Variants in PRKCE observed in about 807,000 individuals in gnomAD.
PRKCE encodes the protein protein kinase C epsilon type.
In PRKCE, 16 loss-of-function variants were observed where a neutral mutation model predicts 85.4. That is an observed-to-expected ratio of 0.19 (90% CI 0.13 to 0.28). PRKCE has a LOEUF of 0.28. PRKCE is among the 10% of genes least tolerant of loss of function. PRKCE has a pLI of 1.00. For synonymous variants in PRKCE, 388 were observed against 371.5 expected (o/e 1.04, Z -0.51); for missense variants, 573 against 975.2 (o/e 0.59, Z 5.49).
chr2:46,021,247 A>G (rs774722540), intron 10 of PRKCE, among the ~76,000 whole-genome samples: 1 of 152,200 alleles, frequency 6.6e-6, no homozygotes, highest in Non-Finnish European at 1.5e-5. Context: ...GTACTGGCTA[A>G]GTTGTGGAGT....
intron 2 of PRKCE, among the ~76,000 whole-genome samples, chr2:45,964,263 C>G (rs1701585183): frequency 2.6e-5 from 4 of 152,346 alleles, no homozygotes; most frequent in African/African-American, 9.6e-5. Context: ...CTGCTGTCCA[C>G]AGGCCCGTTT....
At chr2:45,922,550 C>A (rs1022176336) in intron 2 of PRKCE, among the ~76,000 whole-genome samples, 1 of 152,188 alleles carries the variant, frequency 6.6e-6, no homozygotes, top group Non-Finnish European at 1.5e-5. Context: ...GACCCGCCAC[C>A]TGCTCTCTTC....
chr2:45,806,249 G>A (rs1688233369), intron 1 of PRKCE, among the ~76,000 whole-genome samples: 2 of 152,212 alleles, frequency 1.3e-5, no homozygotes, highest in Non-Finnish European at 2.9e-5. Flanking sequence ...CCATGTGTGT[G>A]AGAAGGCTTG....
chr2:46,053,284 A>AT lies in PRKCE; in HGVS notation c.1438-32923dup, dbSNP rs1708967221. Among the ~76,000 whole-genome samples, 3 of 152,148 alleles carry AT rather than the reference A, an allele frequency of 2.0e-5. No individual in the cohort carries two copies. The South Asian group carries it at 6.2e-4, about 32-fold the overall frequency. ...CCCAGGAAAGTGACCTTATTATGTT[A>AT]TAAGGGAGCTTACTTTTTAATAAAA... On this transcript the variant is annotated intron_variant, in intron 10 of 14. Coordinates refer to ENST00000306156, the MANE Select transcript of PRKCE (RefSeq NM_005400.3).
intron 2 of PRKCE, among the ~76,000 whole-genome samples, chr2:45,938,449 C>T (rs1699634947): frequency 6.6e-6 from 1 of 152,158 alleles, no homozygotes; most frequent in African/African-American, 2.4e-5. Flanking sequence ...TTGGAACCTA[C>T]ATCCTCCCTA....
intron 10 of PRKCE, among the ~76,000 whole-genome samples, chr2:46,062,838 A>G (rs745548806): frequency 1.3e-5 from 2 of 152,094 alleles, no homozygotes; most frequent in Non-Finnish European, 2.9e-5. Context: ...TATGTTGGCC[A>G]GGCTGGTCTC....
intron 13 of PRKCE, among the ~76,000 whole-genome samples, chr2:46,154,220 G>A (rs936272027): frequency 6.6e-6 from 1 of 152,076 alleles, no homozygotes; most frequent in African/African-American, 2.4e-5. Context: ...GGAGAGCGTG[G>A]TCTGGAGGGT....
At chr2:45,741,023 T>C (rs1405093768) in intron 1 of PRKCE, among the ~76,000 whole-genome samples, 4 of 152,262 alleles carry the variant, frequency 2.6e-5, no homozygotes, top group Admixed American at 2.6e-4. Context: ...TTATTTTTTC[T>C]GAAATGATCT....
chr2:45,662,436 A>C (rs930591281), intron 1 of PRKCE, among the ~76,000 whole-genome samples: 39 of 152,070 alleles, frequency 2.6e-4, no homozygotes, highest in African/African-American at 8.9e-4. Context: ...TGGATTGGCT[A>C]ATTTTTTTTC....
intron 2 of PRKCE, among the ~76,000 whole-genome samples, chr2:45,909,749 G>A (rs958404152): frequency 7.2e-5 from 11 of 152,320 alleles, no homozygotes; most frequent in Middle Eastern, 6.8e-3. Context: ...CAGTGAGTCA[G>A]TGCTTCCTGG....
intron 10 of PRKCE, among the ~76,000 whole-genome samples, chr2:46,038,403 A>G (rs373118129): frequency 1.3e-5 from 2 of 152,108 alleles, no homozygotes; most frequent in African/African-American, 2.4e-5. Flanking sequence ...GAAGAGTTGT[A>G]TAAAAACTGT....
At chr2:45,796,264 C>T (rs1482714421) in intron 1 of PRKCE, among the ~76,000 whole-genome samples, 1 of 152,216 alleles carries the variant, frequency 6.6e-6, no homozygotes, top group African/African-American at 2.4e-5. Context: ...TAGAGCCAGG[C>T]TGCCTGGCTT....
chr2:46,162,039 G>C (rs1171941855), intron 14 of PRKCE, among the ~76,000 whole-genome samples: 1 of 152,294 alleles, frequency 6.6e-6, no homozygotes, highest in East Asian at 1.9e-4. Flanking sequence ...AGGCAGGCAC[G>C]TGACTTACTC....
chr2:46,086,032 T>A (rs1669604694), intron 10 of PRKCE, among the ~76,000 whole-genome samples, 176 bp from the exon 11 acceptor site: 1 of 152,216 alleles, frequency 6.6e-6, no homozygotes, highest in Admixed American at 6.5e-5. Context: ...CATACCCTAA[T>A]CTGTGTGCTT....
At chr2:46,031,467 T>C (rs576072311) in intron 10 of PRKCE, among the ~76,000 whole-genome samples, 1 of 152,306 alleles carries the variant, frequency 6.6e-6, no homozygotes, top group East Asian at 1.9e-4. Context: ...TCCTTCTTTC[T>C]TGGCAGCCAG....
At chr2:45,703,382 GA>G (rs1371656701) in intron 1 of PRKCE, among the ~76,000 whole-genome samples, 6 of 151,796 alleles carry the variant, frequency 4.0e-5, no homozygotes, top group Non-Finnish European at 8.8e-5. Context: ...AAAATAATTT[GA>G]AAAATGTAGC....
intron 10 of PRKCE, 134 bp from the exon 11 acceptor site, chr2:46,086,074 T>C (rs962341695): frequency 1.1e-5 from 9 of 852,156 alleles, no homozygotes; most frequent in Admixed American, 2.2e-5. Context: ...GATCAGGTGC[T>C]ACCAGGATTC....
At chr2:45,845,946 T>C (rs1273755787) in intron 2 of PRKCE, among the ~76,000 whole-genome samples, 2 of 152,194 alleles carry the variant, frequency 1.3e-5, no homozygotes, top group Non-Finnish European at 2.9e-5. Flanking sequence ...CTGGCTAATA[T>C]GTACAGAAAA....
intron 10 of PRKCE, among the ~76,000 whole-genome samples, chr2:46,040,957 G>A (rs1708183622): frequency 6.6e-6 from 1 of 152,192 alleles, no homozygotes; most frequent in African/African-American, 2.4e-5. Flanking sequence ...GCTGCCATAT[G>A]TACCAGGAAT....
Sources: allele counts gnomAD v4.1 joint callset (sites outside exome capture counted in the v4.1 genomes callset), GRCh38; gene constraint gnomAD v4.1.1; transcripts MANE v1.5; gene names NCBI Gene and HGNC (gene_info 2026-07-23, HGNC 2026-07-21).